Variants in ZNF407 observed in about 807,000 individuals in gnomAD.
ZNF407 encodes zinc finger protein 407.
ZNF407 carries 17 observed loss-of-function variants against 131.2 expected under a neutral mutation model. The ratio of observed to expected loss-of-function variants is 0.13; its 90% confidence interval spans 0.09 to 0.19. The LOEUF is 0.19. ZNF407 is among the 10% of genes least tolerant of loss of function. The pLI, the probability that ZNF407 is intolerant of heterozygous loss-of-function variation, is 1.00. For missense variants in ZNF407, 2,681 were observed against 2,830.6 expected (o/e 0.95, Z 1.20); for synonymous variants, 1,156 against 1,062.0 (o/e 1.09, Z -1.72).
At chr18:74,678,730 G>A (rs2144771675) in intron 3 of ZNF407, among the ~76,000 whole-genome samples, 1 of 152,290 alleles carries the variant, frequency 6.6e-6, no homozygotes, top group South Asian at 2.1e-4. Context: ...AGAAGCTCTT[G>A]TGCAATTTAA....
chr18:74,709,528 A>T (rs1403017318), intron 3 of ZNF407, among the ~76,000 whole-genome samples: 7 of 152,220 alleles, frequency 4.6e-5, no homozygotes, highest in Non-Finnish European at 8.8e-5. Context: ...CTGCCACATT[A>T]AAGTTATGAG....
At chr18:74,896,665 TCTC>T (rs1156387868) in intron 7 of ZNF407, among the ~76,000 whole-genome samples, 12 of 152,176 alleles carry the variant, frequency 7.9e-5, no homozygotes, top group Admixed American at 7.9e-4. Flanking sequence ...TTTGAAAGGT[TCTC>T]CTAGCTTGTG....
In ZNF407 at chr18:74,920,631, G is replaced by A. The variant is rs777189322; in HGVS notation, c.5367G>A (p.Arg1789=). The A allele has an allele frequency of 6.2e-7, 1 of 1,611,360 alleles. No individual in the cohort carries two copies. The highest frequency in any genetic ancestry group is 8.5e-7 in the Non-Finnish European group (1 of 1,177,888). The part of the protein sequence containing the change: ...DYGTNVPVEF[R]NHLKEQHPDI... Reference sequence around the variant, plus strand: ...GGACCAACGTCCCGGTGGAGTTCCGGAACCATTTGAAGGAACAGCATCCTG... The same window carrying A: ...GGACCAACGTCCCGGTGGAGTTCCGAAACCATTTGAAGGAACAGCATCCTG... Residue 1789 remains arginine (R), a synonymous_variant, in exon 8 of 9, where the codon CGG becomes CGA. Coordinates refer to ENST00000299687, the MANE Select transcript of ZNF407 (RefSeq NM_017757.3).
chr18:74,936,597 G>A (rs1972042797), intron 8 of ZNF407, among the ~76,000 whole-genome samples: 1 of 152,134 alleles, frequency 6.6e-6, no homozygotes. Context: ...GGGAACTCAG[G>A]TGTATGGCTA....
At chr18:74,629,795 A>T (rs920591803) in intron 1 of ZNF407, among the ~76,000 whole-genome samples, 1 of 152,206 alleles carries the variant, frequency 6.6e-6, no homozygotes, top group African/African-American at 2.4e-5. Context: ...GAACATTCCC[A>T]TCATGGTGTA....
chr18:74,779,109 A>ATATATTTT (rs397943457), intron 3 of ZNF407, among the ~76,000 whole-genome samples: 2 of 24,372 alleles, frequency 8.2e-5, no homozygotes, highest in African/African-American at 1.4e-4. Context: ...ATATATATAT[A>ATATATTTT]TTTTTTTTTT....
At chr18:74,818,301 A>T (rs1347986369) in intron 4 of ZNF407, among the ~76,000 whole-genome samples, 1 of 152,188 alleles carries the variant, frequency 6.6e-6, no homozygotes, top group Non-Finnish European at 1.5e-5. Flanking sequence ...TCCATGGGTC[A>T]AGTTGTCTCA....
chr18:74,915,192 T>C (rs1971730603), intron 7 of ZNF407, among the ~76,000 whole-genome samples: 1 of 152,160 alleles, frequency 6.6e-6, no homozygotes, highest in East Asian at 1.9e-4. Flanking sequence ...CTAGGGATAT[T>C]TCCAGAGGAG....
chr18:74,785,884 G>GCACATGGCACT (rs551255219), intron 4 of ZNF407, among the ~76,000 whole-genome samples: 3 of 102,334 alleles, frequency 2.9e-5, no homozygotes, highest in Non-Finnish European at 6.7e-5. Flanking sequence ...CACATGGCAC[G>GCACATGGCACT]CACATGGCAC....
At chr18:75,059,014 G>A (rs562378801) in intron 8 of ZNF407, among the ~76,000 whole-genome samples, 11 of 152,276 alleles carry the variant, frequency 7.2e-5, no homozygotes, top group South Asian at 4.1e-4. Context: ...AGATGGACCC[G>A]CGCTCGCATT....
rs766996849 is a variant in ZNF407, at chr18:75,048,001, G to A, written c.5429-15149G>A. On this transcript the variant is annotated intron_variant, in intron 8 of 8. Coordinates refer to ENST00000299687, the MANE Select transcript of ZNF407 (RefSeq NM_017757.3). This position sits in a 1 kb window ranked among gnomAD's most constrained non-coding sequence, Gnocchi z 4.1. ...AGTTTCACCTGCCTTTCTTTTCTTC[G>A]TTATAGTAATGAAGCCACTAATCAG... Among the ~76,000 whole-genome samples the A allele has an allele frequency of 1.2e-4, 19 of 152,144 alleles. No homozygotes were observed. Among genetic ancestry groups the A allele is most frequent in the Non-Finnish European group, 1.2e-4 (8 of 68,030 alleles).
chr18:74,742,775 G>C (rs1968579983), intron 3 of ZNF407, among the ~76,000 whole-genome samples: 1 of 152,056 alleles, frequency 6.6e-6, no homozygotes, highest in African/African-American at 2.4e-5. Context: ...TGTCATCCAG[G>C]CCTCTTGTCT....
chr18:75,040,788 C>T (rs755774795), intron 8 of ZNF407, among the ~76,000 whole-genome samples: 11 of 152,104 alleles, frequency 7.2e-5, no homozygotes, highest in Non-Finnish European at 1.0e-4. Flanking sequence ...TTTTTTTACA[C>T]TCTTTCTAAT....
intron 8 of ZNF407, among the ~76,000 whole-genome samples, chr18:75,018,603 A>G (rs1973071848): frequency 1.3e-5 from 2 of 152,070 alleles, no homozygotes; most frequent in African/African-American, 2.4e-5. Context: ...AAAATAAAAA[A>G]TAATAAATTT....
intron 4 of ZNF407, among the ~76,000 whole-genome samples, chr18:74,850,252 A>G (rs1315107613): frequency 6.6e-6 from 1 of 152,214 alleles, no homozygotes; most frequent in Non-Finnish European, 1.5e-5. Flanking sequence ...AAAACTCAAG[A>G]TATTTTTTAA....
intron 8 of ZNF407, among the ~76,000 whole-genome samples, chr18:75,057,319 T>A (rs1167945279): frequency 1.3e-5 from 2 of 152,232 alleles, no homozygotes; most frequent in Non-Finnish European, 2.9e-5. Context: ...CCACGACACG[T>A]CTTTTTAATG....
At position 74,994,443 on chromosome 18, in the gene ZNF407, C is replaced by T. The variant is rs371861626; in HGVS notation, c.5429-68707C>T. On this transcript the variant is annotated intron_variant, in intron 8 of 8. Coordinates refer to ENST00000299687, the MANE Select transcript of ZNF407 (RefSeq NM_017757.3). ...GTTTGCTGAAAAGCATGCAAATTTC[C>T]TGTGAGGAAATAACTGGGAAGAGCC... Among the ~76,000 whole-genome samples, 11 of 152,240 alleles carry T rather than the reference C, an allele frequency of 7.2e-5. No individual in the cohort carries two copies. In the East Asian group the frequency reaches 1.9e-3, roughly 27 times the overall value.
Position 74,695,669 on chromosome 18 carries a change from A to ATCTAGTTACAT in ZNF407, c.4802+54548_4802+54558dup, listed in dbSNP as rs767203651. Among the ~76,000 whole-genome samples the ATCTAGTTACAT allele has an allele frequency of 6.6e-4, 101 of 152,198 alleles. 1 individual carries two copies. Among genetic ancestry groups the ATCTAGTTACAT allele is most frequent in the Admixed American group, 3.3e-4 (5 of 15,278 alleles). On this transcript the variant is annotated intron_variant, in intron 3 of 8. Coordinates refer to ENST00000299687, the MANE Select transcript of ZNF407 (RefSeq NM_017757.3). ...TGATTTGGAACTAGGATCAGTAGTT[A>ATCTAGTTACAT]TCTAGTTACATATATGTATAGATGT...
chr18:74,766,009 CTGTGTGTGTGTGTGTGTGTGTGTGTG>C (rs58103313), intron 3 of ZNF407, among the ~76,000 whole-genome samples: 11 of 148,198 alleles, frequency 7.4e-5, no homozygotes, highest in East Asian at 2.0e-4. Context: ...GCATATTACT[CTGTGTGTGTGTGTGTGTGTGTGTGTG>C]TGTGTGTGTG....
Sources: gnomAD v4.1 joint callset for allele counts (sites outside exome capture counted in the v4.1 genomes callset) on GRCh38, gnomAD v4.1.1 for gene constraint, Gnocchi (gnomAD v3.1) non-coding constraint, MANE v1.5 for transcripts, NCBI Gene and HGNC (gene_info 2026-07-23, HGNC 2026-07-21) for gene names.